TRMT10B: variants seen among roughly 807,000 people sequenced by gnomAD.
The protein encoded by TRMT10B is tRNA methyltransferase 10 homolog B.
In TRMT10B, 33 loss-of-function variants were observed where a neutral mutation model predicts 43.8. The observed-to-expected ratio is 0.75, with a 90% CI of 0.57 to 1.01. TRMT10B has a LOEUF of 1.01. Among genes scored for constraint, TRMT10B ranks in the 50% least tolerant of loss-of-function variants. TRMT10B has a pLI of 0.00. For missense variants in TRMT10B, 362 were observed against 369.8 expected, an observed-to-expected ratio of 0.98 and a Z score of 0.17; for synonymous variants, 137 against 130.6, an observed-to-expected ratio of 1.05 and a Z score of -0.34.
chr9:37,773,969 A>C (rs947020007), intron 7 of TRMT10B, among the ~76,000 whole-genome samples: 3 of 149,932 alleles, frequency 2.0e-5, no homozygotes, highest in Admixed American at 6.7e-5. Flanking sequence ...AAAAAAAAAA[A>C]AAAAACAACA....
intron 7 of TRMT10B, among the ~76,000 whole-genome samples, chr9:37,773,290 T>C (rs1352385900): frequency 2.7e-5 from 4 of 147,336 alleles, no homozygotes; most frequent in South Asian, 4.3e-4. Flanking sequence ...TTTTTTTTTT[T>C]CTGTATTTTT....
Position 37,769,308 on chromosome 9 carries a change from TAAAAAAAAAAAAAA to T in TRMT10B, c.574-613_574-600del, listed in dbSNP as rs57651814. On this transcript the variant is annotated intron_variant, in intron 5 of 8. Coordinates refer to ENST00000297994, the MANE Select transcript of TRMT10B (RefSeq NM_144964.4). Reference sequence around the variant, plus strand: ...GGGTGACAGAGCCAGACCCTGTCTTTAAAAAAAAAAAAAAAAAAAAAAAAAAAAAAAAATCTCCT... The same window carrying T: ...GGGTGACAGAGCCAGACCCTGTCTTTAAAAAAAAAAAAAAAAAAATCTCCT... Among the ~76,000 whole-genome samples the T allele has an allele frequency of 3.1e-3, 187 of 60,730 alleles. 1 individual carries two copies. Among genetic ancestry groups the T allele is most frequent in the Admixed American group, 6.4e-3 (28 of 4,346 alleles). 39.8% of individuals were successfully genotyped at this position (60,730 alleles called of 152,430 possible). A position where few individuals can be genotyped will look rare whatever the true frequency, so the allele number is the denominator to read the frequency against.
At position 37,768,200 on chromosome 9, in the gene TRMT10B, G is replaced by C; in HGVS notation, c.545G>C (p.Arg182Thr). 1 of 1,613,490 alleles carries C rather than the reference G, an allele frequency of 6.2e-7. No homozygotes were observed. Among genetic ancestry groups the C allele is most frequent in the Non-Finnish European group, 8.5e-7 (1 of 1,179,650 alleles). The stretch of plus-strand genomic sequence containing the variant: ...AGTCCCCTTTATGAAGAGTGTGTGA[G>C]GATGAATGATGGATTTTCTAGTTAC... Reference protein sequence around the residue: ...TDSPLYEECVRMNDGFSSYLL... With the variant: ...TDSPLYEECVTMNDGFSSYLL... The change falls in exon 5 of 9, where the codon AGG becomes ACG. Residue 182 changes from arginine to threonine, a missense_variant. Coordinates refer to ENST00000297994, the MANE Select transcript of TRMT10B (RefSeq NM_144964.4).
intron 7 of TRMT10B, among the ~76,000 whole-genome samples, chr9:37,775,589 G>C (rs1828049978): frequency 6.6e-6 from 1 of 152,164 alleles, no homozygotes; most frequent in African/African-American, 2.4e-5. Context: ...GAGTGCAGTG[G>C]TGCAGTCACA....
At chr9:37,756,919 C>T (rs557817096) in intron 1 of TRMT10B, among the ~76,000 whole-genome samples, 1 of 151,898 alleles carries the variant, frequency 6.6e-6, no homozygotes, top group South Asian at 2.1e-4. Context: ...CATCTCTACC[C>T]AGTGACTGGG....
chr9:37,768,037 G>A, intron 4 of TRMT10B, 39 bp from the exon 5 acceptor site: 2 of 1,607,592 alleles, frequency 1.2e-6, no homozygotes, highest in Non-Finnish European at 1.7e-6. Context: ...AGAGTGAGTT[G>A]GCATGTTTTT....
intron 1 of TRMT10B, among the ~76,000 whole-genome samples, chr9:37,759,582 C>A (rs553372322): frequency 6.6e-6 from 1 of 152,254 alleles, no homozygotes; most frequent in East Asian, 1.9e-4. Flanking sequence ...CTTTGGGAGG[C>A]CAAGGCAGGT....
upstream of TRMT10B, among the ~76,000 whole-genome samples, chr9:37,753,047 GC>G: frequency 6.7e-6 from 1 of 150,056 alleles, no homozygotes; most frequent in East Asian, 2.0e-4. Context: ...CTTTCTTGAG[GC>G]CCGTGTGACC....
Position 37,763,703 on chromosome 9 carries a change from G to C in TRMT10B, c.370G>C (p.Gly124Arg). Residue 124 changes from glycine to arginine, a missense_variant, in exon 4 of 9, where the codon GGA becomes CGA. By Grantham distance (125) the Gly-to-Arg change is moderately radical (BLOSUM62 -2). Transcript: ENST00000297994. ...KDKLLEAKHS[G>R]PRLCIDLSMT... ...CAAACTTTTGGAAGCCAAACACTCA[G>C]GACCAAGACTATGTATCGATTTGAG... is the stretch of plus-strand genomic sequence containing the variant. The C allele has an allele frequency of 6.2e-7, 1 of 1,614,148 alleles. No individual in the cohort carries two copies. Among genetic ancestry groups the C allele is most frequent in the Non-Finnish European group, 8.5e-7 (1 of 1,180,014 alleles).
intron 4 of TRMT10B, chr9:37,763,958 T>G (rs1826701133): frequency 1.0e-6 from 1 of 959,266 alleles, no homozygotes; most frequent in Non-Finnish European, 1.5e-6. Context: ...TGGTTTAGTT[T>G]GCAAATTTTT....
chr9:37,772,775 A>AG (rs1389893756), intron 7 of TRMT10B, among the ~76,000 whole-genome samples: 3 of 152,116 alleles, frequency 2.0e-5, no homozygotes, highest in Non-Finnish European at 4.4e-5. Flanking sequence ...ACTTGAGGCC[A>AG]GGAGTTTGAG....
intron 1 of TRMT10B, among the ~76,000 whole-genome samples, chr9:37,755,289 T>TTTTTTTTA (rs1554674553): frequency 3.0e-4 from 45 of 149,222 alleles, no homozygotes; most frequent in African/African-American, 9.5e-4. Context: ...TTTTTTTTTT[T>TTTTTTTTA]AAAGTTAGTT....
chr9:37,772,796 G>C (rs1399490342), intron 7 of TRMT10B, among the ~76,000 whole-genome samples: 2 of 152,100 alleles, frequency 1.3e-5, no homozygotes, highest in Non-Finnish European at 2.9e-5. Context: ...ACCAGCCTGG[G>C]CAACACATTG....
chr9:37,756,787 CAT>C (rs1825749517), intron 1 of TRMT10B, among the ~76,000 whole-genome samples: 1 of 145,752 alleles, frequency 6.9e-6, no homozygotes, highest in African/African-American at 2.5e-5. Context: ...TATGTGTATA[CAT>C]ACATGTGTAT....
rs769336006 is a variant in TRMT10B, at chr9:37,762,659, G to A, written c.269G>A (p.Arg90Lys). The A allele has an allele frequency of 1.3e-6, 2 of 1,591,064 alleles. No individual in the cohort carries two copies. Among genetic ancestry groups the A allele is most frequent in the South Asian group, 2.3e-5 (2 of 87,394 alleles). The change falls in exon 3 of 9, where the codon AGA becomes AAA. Residue 90 changes from arginine to lysine, a missense_variant. Transcript: ENST00000297994. ...KSKRKQEKER[R>K]KANRAENPGI... The stretch of plus-strand genomic sequence containing the variant: ...AAAAGAAAGCAAGAAAAAGAACGAA[G>A]AAAAGCCAATCGTGCAGAAAATCCA...
intron 8 of TRMT10B, 99 bp from the exon 9 acceptor site, chr9:37,777,502 A>G: frequency 2.0e-6 from 2 of 988,064 alleles, no homozygotes; most frequent in Non-Finnish European, 3.1e-6. Flanking sequence ...TATGGTGCAG[A>G]ATAGGTTTGT....
chr9:37,761,033 C>T (rs1439091907), intron 1 of TRMT10B, among the ~76,000 whole-genome samples: 1 of 152,134 alleles, frequency 6.6e-6, no homozygotes, highest in Non-Finnish European at 1.5e-5. Context: ...GACTGGCTTT[C>T]TACTGCAGTG....
intron 8 of TRMT10B, 84 bp from the exon 9 acceptor site, chr9:37,777,517 C>G: frequency 8.3e-7 from 1 of 1,206,384 alleles, no homozygotes. Context: ...GTTTGTTGAA[C>G]GAAATATTAC....
At chr9:37,768,932 CAT>C (rs1043134368) in intron 5 of TRMT10B, among the ~76,000 whole-genome samples, 1 of 152,328 alleles carries the variant, frequency 6.6e-6, no homozygotes, top group African/African-American at 2.4e-5. Context: ...TACAGGTCCA[CAT>C]AGTTCCCTTA....
Sources: gnomAD v4.1 joint callset for allele counts (sites outside exome capture counted in the v4.1 genomes callset) on GRCh38, gnomAD v4.1.1 for gene constraint, MANE v1.5 for transcripts, NCBI Gene and HGNC (gene_info 2026-07-23, HGNC 2026-07-21) for gene names.